LSAMP: variants seen among roughly 807,000 people sequenced by gnomAD.
The protein encoded by LSAMP is limbic system-associated membrane protein.
A neutral mutation model predicts 38.6 loss-of-function variants in LSAMP; 7 were observed. The ratio of observed to expected loss-of-function variants is 0.18; its 90% CI spans 0.10 to 0.34. The LOEUF is 0.34. LSAMP is among the 10% of genes least tolerant of loss of function. The pLI, the probability that LSAMP is intolerant of heterozygous loss-of-function variation, is 1.00. For synonymous variants in LSAMP, 154 were observed against 166.8 expected, an observed-to-expected ratio of 0.92 and a Z score of 0.59; for missense variants, 313 against 420.0, an observed-to-expected ratio of 0.75 and a Z score of 2.23.
At chr3:116,248,345 C>T (rs1334057626) in intron 1 of LSAMP, among the ~76,000 whole-genome samples, 2 of 152,034 alleles carry the variant, frequency 1.3e-5, no homozygotes, top group African/African-American at 4.8e-5. Context: ...TAAGCAAGAA[C>T]TTTGGGGCAA....
chr3:116,185,198 G>T (rs1036502159), intron 1 of LSAMP, among the ~76,000 whole-genome samples: 42 of 151,776 alleles, frequency 2.8e-4, no homozygotes, highest in African/African-American at 9.2e-4. Flanking sequence ...TAAATATAAG[G>T]ATCATCTCCA....
chr3:116,338,583 A>T (rs1474329537), intron 1 of LSAMP, among the ~76,000 whole-genome samples: 1 of 152,044 alleles, frequency 6.6e-6, no homozygotes. Context: ...TAGTGCTAAA[A>T]TCCTTACTCA....
At chr3:116,049,220 C>G (rs1181400965) in intron 2 of LSAMP, among the ~76,000 whole-genome samples, 1 of 152,160 alleles carries the variant, frequency 6.6e-6, no homozygotes, top group Non-Finnish European at 1.5e-5. Flanking sequence ...CAGAAAGCAT[C>G]AGTGTTGGTA....
At chr3:116,004,938 C>T (rs762492804) in intron 3 of LSAMP, among the ~76,000 whole-genome samples, 2 of 152,090 alleles carry the variant, frequency 1.3e-5, no homozygotes, top group Non-Finnish European at 2.9e-5. Flanking sequence ...GAGAAATTGT[C>T]AATGCAGAGT....
At chr3:116,222,161 G>A (rs1032446753) in intron 1 of LSAMP, among the ~76,000 whole-genome samples, 52 of 151,514 alleles carry the variant, frequency 3.4e-4, no homozygotes, top group African/African-American at 1.1e-3. Flanking sequence ...GAGATCTTGA[G>A]AACCATGTTA....
At chr3:116,234,464 A>G (rs901514435) in intron 1 of LSAMP, among the ~76,000 whole-genome samples, 1 of 145,006 alleles carries the variant, frequency 6.9e-6, no homozygotes, top group African/African-American at 2.5e-5. Context: ...ATATATAGAT[A>G]TATTTATCAT....
chr3:116,345,043 T>C (rs189128174), intron 1 of LSAMP, among the ~76,000 whole-genome samples: 1 of 152,300 alleles, frequency 6.6e-6, no homozygotes, highest in African/African-American at 2.4e-5. Flanking sequence ...CACATATTTA[T>C]TGAACACATA....
chr3:116,002,705 G>A lies in LSAMP; in HGVS notation c.514+16810C>T, dbSNP rs78113767. Among the ~76,000 whole-genome samples, 542 of 152,240 alleles carry A rather than the reference G, an allele frequency of 3.6e-3. 3 individuals are homozygous for A. The highest frequency in any genetic ancestry group is 0.012 in the African/African-American group (518 of 41,522). ...GCAAATGGAACCAAAATGGGCTTCT[G>A]TTTCTCAGCTGTAGACAAATGTCCT... On this transcript the variant is annotated intron_variant, in intron 3 of 6. Coordinates refer to ENST00000490035, the MANE Select transcript of LSAMP (RefSeq NM_002338.5).
chr3:116,337,631 C>A (rs951206928), intron 1 of LSAMP, among the ~76,000 whole-genome samples: 1 of 152,016 alleles, frequency 6.6e-6, no homozygotes, highest in East Asian at 1.9e-4. Flanking sequence ...TAAAAGTCAA[C>A]CACTTAACAA....
intron 2 of LSAMP, among the ~76,000 whole-genome samples, chr3:116,043,706 G>A (rs2107721537): frequency 6.6e-6 from 1 of 152,328 alleles, no homozygotes; most frequent in South Asian, 2.1e-4. Context: ...AGCACTTTGG[G>A]AGGCCGAGGC....
chr3:116,052,346 T>G (rs924201336), intron 2 of LSAMP, among the ~76,000 whole-genome samples: 1 of 152,166 alleles, frequency 6.6e-6, no homozygotes, highest in African/African-American at 2.4e-5. Flanking sequence ...ACTCAAAATT[T>G]AGAAGAAAAG....
chr3:116,301,988 C>T (rs1299174402), intron 1 of LSAMP, among the ~76,000 whole-genome samples: 1 of 152,182 alleles, frequency 6.6e-6, no homozygotes, highest in Non-Finnish European at 1.5e-5. Context: ...AATAGGTACA[C>T]ACTCTAGCTC....
At chr3:116,137,245 T>C (rs991300424) in intron 1 of LSAMP, among the ~76,000 whole-genome samples, 14 of 152,072 alleles carry the variant, frequency 9.2e-5, no homozygotes, top group Non-Finnish European at 1.8e-4. Flanking sequence ...CATTTTGAGA[T>C]GCCTATCTTA....
At chr3:116,271,273 A>G (rs532008477) in intron 1 of LSAMP, among the ~76,000 whole-genome samples, 1 of 152,060 alleles carries the variant, frequency 6.6e-6, no homozygotes, top group Non-Finnish European at 1.5e-5. Context: ...AAATAAGTTA[A>G]TTATACTCAT....
chr3:115,921,371 T>TCACAAA (rs1455231807), intron 3 of LSAMP, among the ~76,000 whole-genome samples: 4 of 152,058 alleles, frequency 2.6e-5, no homozygotes, highest in African/African-American at 9.7e-5. Context: ...ATTTTCTTTG[T>TCACAAA]GCCTACAAAA....
At position 116,193,008 on chromosome 3, in the gene LSAMP, C is replaced by T. The variant is rs546174742; in HGVS notation, c.156-106452G>A. Among the ~76,000 whole-genome samples the T allele has an allele frequency of 2.8e-4, 43 of 152,242 alleles. 1 individual carries two copies. In the South Asian group the frequency reaches 8.5e-3, roughly 30 times the overall value. ...ACTGCACTGTAATAGAACAACTCCA[C>T]GGTAGATGAATAGTTTCCTGTACAA... On this transcript the variant is annotated intron_variant, in intron 1 of 6. Coordinates refer to ENST00000490035, the MANE Select transcript of LSAMP (RefSeq NM_002338.5).
intron 2 of LSAMP, among the ~76,000 whole-genome samples, chr3:116,070,779 G>A (rs1382912855): frequency 4.6e-5 from 7 of 152,098 alleles, no homozygotes; most frequent in African/African-American, 1.7e-4. Context: ...GGTGGCTCAT[G>A]CCTGTAATCC....
intron 1 of LSAMP, among the ~76,000 whole-genome samples, chr3:116,265,722 G>T (rs574408165): frequency 6.6e-6 from 1 of 152,170 alleles, no homozygotes; most frequent in East Asian, 1.9e-4. Context: ...TTAATCTTTG[G>T]GACTCAAATA....
chr3:116,342,486 A>C (rs2107754808), intron 1 of LSAMP, among the ~76,000 whole-genome samples: 1 of 152,236 alleles, frequency 6.6e-6, no homozygotes, highest in South Asian at 2.1e-4. Context: ...TGTATGAACA[A>C]AGGATAAAAC....
Sources: gnomAD v4.1 joint callset for allele counts (sites outside exome capture counted in the v4.1 genomes callset) on GRCh38, gnomAD v4.1.1 for gene constraint, MANE v1.5 for transcripts, NCBI Gene and HGNC (gene_info 2026-07-23, HGNC 2026-07-21) for gene names.